GLI2: variants seen among roughly 807,000 people sequenced by gnomAD.
The protein encoded by GLI2 is transcription activator GLI2.
Under a neutral mutation model 78.9 loss-of-function variants are expected in GLI2, and 22 were observed. That is an observed-to-expected ratio of 0.28 (90% CI 0.20 to 0.40). The LOEUF (loss-of-function observed/expected upper bound fraction) is 0.40. Among genes scored for constraint, GLI2 ranks in the 10% least tolerant of loss-of-function variants. The probability of loss-of-function intolerance (pLI) is 1.00; values close to 1 mark genes in which losing one functional copy is unlikely to be tolerated. For missense variants in GLI2, 2,097 were observed against 2,213.2 expected, an observed-to-expected ratio of 0.95 and a Z score of 1.05; for synonymous variants, 974 against 963.7, an observed-to-expected ratio of 1.01 and a Z score of -0.20.
rs1459667216 is a variant in GLI2 at position 120,966,798 on chromosome 2, G to A, written c.644-1916G>A. ...GGGACTGGTAGGTGTGGAGTGGGGGGCTCAGAGGCTCGTAGGCCATCACCC... is the reference window on the plus strand; with the variant it reads ...GGGACTGGTAGGTGTGGAGTGGGGGACTCAGAGGCTCGTAGGCCATCACCC... On this transcript the variant is annotated intron_variant, in intron 5 of 13. Coordinates refer to ENST00000361492, the MANE Select transcript of GLI2 (RefSeq NM_001374353.1). Among the ~76,000 whole-genome samples the A allele has an allele frequency of 6.6e-5, 10 of 152,300 alleles. No homozygotes were observed. In the East Asian group the frequency reaches 9.7e-4, roughly 15 times the overall value.
chr2:120,787,929 A>G (rs551106224), intron 1 of GLI2, among the ~76,000 whole-genome samples: 1 of 152,330 alleles, frequency 6.6e-6, no homozygotes, highest in African/African-American at 2.4e-5. Context: ...AGGCGCTGGC[A>G]CCAGGGTGGG....
At chr2:120,849,631 C>T (rs566641503) in intron 2 of GLI2, among the ~76,000 whole-genome samples, 2 of 152,336 alleles carry the variant, frequency 1.3e-5, no homozygotes, top group South Asian at 4.1e-4. Flanking sequence ...ATTGGACAAG[C>T]CCCACTCATC....
rs1156691813 is a variant in GLI2, at chr2:120,991,761, C to T, written c.*1086C>T. ...TCTCCACCAAGCCACAGTGTGCATG[C>T]CTGGTATCCTCCGGATTCCCTTCCT... is the stretch of plus-strand genomic sequence containing the variant. On this transcript the variant is annotated 3_prime_UTR_variant, in exon 14 of 14. Coordinates refer to ENST00000361492, the MANE Select transcript of GLI2 (RefSeq NM_001374353.1). 1 of 152,676 alleles carries T rather than the reference C, an allele frequency of 6.5e-6. No homozygotes were observed. The highest frequency in any genetic ancestry group is 6.5e-5 in the Admixed American group (1 of 15,284). The allele number at this position is 152,676 out of a possible 1,614,324, so 9.5% of individuals were successfully genotyped here. A position where few individuals can be genotyped will look rare whatever the true frequency, so the allele number is the denominator to read the frequency against.
At chr2:120,973,760 A>T (rs1682311782) in intron 8 of GLI2, among the ~76,000 whole-genome samples, 2 of 152,190 alleles carry the variant, frequency 1.3e-5, no homozygotes, top group Non-Finnish European at 2.9e-5. Context: ...TGTTGGGAAC[A>T]AGTGGATTCG....
chr2:120,959,688 C>T (rs1681448526), intron 5 of GLI2, among the ~76,000 whole-genome samples: 1 of 152,080 alleles, frequency 6.6e-6, no homozygotes, highest in African/African-American at 2.4e-5. Context: ...CCGGCCCCTC[C>T]CCTCCCGTGA....
chr2:120,771,334 G>A (rs1296020934), intron 1 of GLI2, among the ~76,000 whole-genome samples: 1 of 152,188 alleles, frequency 6.6e-6, no homozygotes, highest in Admixed American at 6.5e-5. Context: ...CGATTGGGGC[G>A]GACACTTGCC....
chr2:120,834,285 A>T (rs945052092), intron 2 of GLI2, among the ~76,000 whole-genome samples: 1 of 152,168 alleles, frequency 6.6e-6, no homozygotes, highest in Non-Finnish European at 1.5e-5. Context: ...AGGGGAGAGC[A>T]TGGGAAGGAG....
At chr2:120,937,270 A>G (rs1558896838) in intron 3 of GLI2, among the ~76,000 whole-genome samples, 1 of 152,196 alleles carries the variant, frequency 6.6e-6, no homozygotes, top group African/African-American at 2.4e-5. Flanking sequence ...GTATAAATTT[A>G]TGGGGTGCAA....
At chr2:120,837,440 T>C (rs1353663345) in intron 2 of GLI2, among the ~76,000 whole-genome samples, 1 of 151,396 alleles carries the variant, frequency 6.6e-6, no homozygotes, top group Non-Finnish European at 1.5e-5. Flanking sequence ...AGACATGTTA[T>C]AAATAATTTC....
At chr2:120,970,352 C>T (rs960013430) in intron 6 of GLI2, 41 bp from the exon 7 acceptor site, 8 of 1,077,570 alleles carry the variant, frequency 7.4e-6, no homozygotes, top group East Asian at 2.4e-5. Flanking sequence ...AGAGAGCTCC[C>T]GATCCCCCAC....
intron 3 of GLI2, among the ~76,000 whole-genome samples, chr2:120,938,028 G>T (rs540540274): frequency 1.3e-5 from 2 of 152,018 alleles, no homozygotes. Flanking sequence ...CCTTATTCCC[G>T]CCCATGGCTT....
chr2:120,859,903 T>C (rs565655841), intron 2 of GLI2, among the ~76,000 whole-genome samples: 1 of 152,294 alleles, frequency 6.6e-6, no homozygotes, highest in African/African-American at 2.4e-5. Flanking sequence ...TCTGCCCACC[T>C]CAGCCTCCCA....
chr2:120,923,462 AACAC>A (rs200200505), intron 2 of GLI2, among the ~76,000 whole-genome samples: 1 of 152,002 alleles, frequency 6.6e-6, no homozygotes, highest in African/African-American at 2.4e-5. Context: ...CACATACAAC[AACAC>A]ACACATACAG....
At chr2:120,836,728 T>A (rs1308719927) in intron 2 of GLI2, among the ~76,000 whole-genome samples, 1 of 152,234 alleles carries the variant, frequency 6.6e-6, no homozygotes, top group African/African-American at 2.4e-5. Flanking sequence ...CTGGAGCACA[T>A]TGCAACACAA....
chr2:120,906,738 C>G (rs1678553633), intron 2 of GLI2, among the ~76,000 whole-genome samples: 1 of 152,174 alleles, frequency 6.6e-6, no homozygotes, highest in African/African-American at 2.4e-5. Flanking sequence ...GGCCTTCTCC[C>G]CTGTGTCCCC....
intron 3 of GLI2, among the ~76,000 whole-genome samples, chr2:120,939,887 G>A (rs1680373488): frequency 6.6e-6 from 1 of 152,250 alleles, no homozygotes; most frequent in African/African-American, 2.4e-5. Flanking sequence ...CACCAGCAGA[G>A]TTTGAGAGCT....
chr2:120,783,016 C>G (rs11684892), intron 1 of GLI2, among the ~76,000 whole-genome samples: 9,760 of 152,094 alleles, frequency 0.064, 403 homozygotes, highest in Admixed American at 0.11. Flanking sequence ...GGGAGGCCAT[C>G]GAAAGGAGAG....
At chr2:120,811,253 C>T (rs1457241221) in intron 2 of GLI2, among the ~76,000 whole-genome samples, 1 of 152,304 alleles carries the variant, frequency 6.6e-6, no homozygotes. Flanking sequence ...TAGACATCCA[C>T]TGGTGGATGG....
chr2:120,973,721 A>G (rs1682309507), intron 8 of GLI2, among the ~76,000 whole-genome samples: 1 of 152,146 alleles, frequency 6.6e-6, no homozygotes, highest in South Asian at 2.1e-4. Flanking sequence ...TAGCCCCTGG[A>G]GCTATTGTAC....
Sources: gnomAD v4.1 joint callset for allele counts (sites outside exome capture counted in the v4.1 genomes callset) on GRCh38, gnomAD v4.1.1 for gene constraint, MANE v1.5 for transcripts, NCBI Gene and HGNC (gene_info 2026-07-23, HGNC 2026-07-21) for gene names.